The following ABHD2 variants were observed in gnomAD, a reference collection of about 807,000 sequenced individuals.
The protein encoded by ABHD2 is monoacylglycerol lipase ABHD2.
In ABHD2, 20 loss-of-function variants were observed where a neutral mutation model predicts 48.1. That is an observed-to-expected ratio of 0.42 (90% CI 0.29 to 0.60). The LOEUF (loss-of-function observed/expected upper bound fraction) is 0.60. Ranked by LOEUF, ABHD2 falls within the 20% of genes least tolerant of loss-of-function variation. The pLI is 0.24. For synonymous variants in ABHD2, 209 were observed against 214.2 expected (o/e 0.98, Z 0.21); for missense variants, 405 against 550.9 (o/e 0.74, Z 2.65).
Position 89,197,602 on chromosome 15 carries a change from G to A in ABHD2, c.*2179G>A, listed in dbSNP as rs2051427100. 1 of 152,240 alleles carries A rather than the reference G, an allele frequency of 6.6e-6. No homozygotes were observed. Among genetic ancestry groups the A allele is most frequent in the Non-Finnish European group, 1.5e-5 (1 of 68,068 alleles). The allele number at this position is 152,240 out of a possible 1,614,324, so 9.4% of individuals were successfully genotyped here. A position where few individuals can be genotyped will look rare whatever the true frequency, so the allele number is the denominator to read the frequency against. ...TGCCTGAGGCCACACCCCTTAACCTGTTCTGACAAAATAGTGGCTGGCCCA... is the reference window on the plus strand; with the variant it reads ...TGCCTGAGGCCACACCCCTTAACCTATTCTGACAAAATAGTGGCTGGCCCA... On this transcript the variant is annotated 3_prime_UTR_variant, in exon 11 of 11. Transcript: ENST00000352732. This position sits in a 1 kb window ranked among gnomAD's most constrained non-coding sequence, Gnocchi z 4.4.
intron 1 of ABHD2, among the ~76,000 whole-genome samples, chr15:89,112,889 C>T (rs1216928148): frequency 1.3e-5 from 2 of 152,204 alleles, no homozygotes; most frequent in East Asian, 3.8e-4. Flanking sequence ...CTTTCTATGT[C>T]TCAGTTACCT....
At chr15:89,049,147 C>T in the ABHD2 span, among the ~76,000 whole-genome samples, 1 of 152,112 alleles carries the variant, frequency 6.6e-6, no homozygotes, top group Non-Finnish European at 1.5e-5. Context: ...CCCGGCCGGC[C>T]GTGTGAGGTG....
chr15:89,188,359 C>A lies in ABHD2; in HGVS notation c.926+56C>A. 6.6e-7 allele frequency: 1 copy of A among 1,518,518 alleles called. No individual in the cohort carries two copies. The highest frequency in any genetic ancestry group is 9.1e-7 in the Non-Finnish European group (1 of 1,096,808). 94.1% of individuals were successfully genotyped at this position (1,518,518 alleles called of 1,614,324 possible). A position where few individuals can be genotyped will look rare whatever the true frequency, so the allele number is the denominator to read the frequency against. On this transcript the variant is annotated intron_variant, in intron 8 of 10. Coordinates refer to ENST00000352732, the MANE Select transcript of ABHD2 (RefSeq NM_152924.5). This position sits in a 1 kb window ranked among gnomAD's most constrained non-coding sequence, Gnocchi z 4.1. ...CTGGGGCAGGGTGCCAGGCAGGAGG[C>A]TGCAGGTCAGCTGTGCCCAGCACTA...
At chr15:89,062,319 G>A in the ABHD2 span, among the ~76,000 whole-genome samples, 1 of 152,002 alleles carries the variant, frequency 6.6e-6, no homozygotes, top group East Asian at 1.9e-4. Flanking sequence ...CTACAGGTAA[G>A]ACTGGAGGAA....
chr15:89,077,949 C>A, the ABHD2 span, among the ~76,000 whole-genome samples: 1 of 152,220 alleles, frequency 6.6e-6, no homozygotes, highest in African/African-American at 2.4e-5. Context: ...CTCTCCCCTG[C>A]TTACCAATGC....
At chr15:89,108,049 G>A (rs929292945) in intron 1 of ABHD2, among the ~76,000 whole-genome samples, 40 of 152,206 alleles carry the variant, frequency 2.6e-4, no homozygotes, top group African/African-American at 8.4e-4. Flanking sequence ...GTTCATGTCA[G>A]TTAGCTGTCA....
chr15:89,069,299 G>C, the ABHD2 span, among the ~76,000 whole-genome samples: 2 of 151,698 alleles, frequency 1.3e-5, no homozygotes, highest in Non-Finnish European at 2.9e-5. Flanking sequence ...GGCTAATTAA[G>C]TAAATTTTTT....
chr15:89,090,997 A>T (rs918407738), intron 1 of ABHD2, among the ~76,000 whole-genome samples: 1 of 152,228 alleles, frequency 6.6e-6, no homozygotes, highest in South Asian at 2.1e-4. Context: ...CTGGCAATCT[A>T]GCTGGTTCAC....
chr15:89,173,512 G>A lies in ABHD2; in HGVS notation c.539-2300G>A, dbSNP rs1156862029. 6.6e-6 allele frequency among the ~76,000 whole-genome samples: 1 copy of A among 152,260 alleles called. No homozygotes were observed. The highest frequency in any genetic ancestry group is 1.5e-5 in the Non-Finnish European group (1 of 68,048). ...CGCTTGAACCTGAGAGGCAGAGGTT[G>A]TAGTGAGCCAAGATTGTGCCACTGC... On this transcript the variant is annotated intron_variant, in intron 5 of 10. Coordinates refer to ENST00000352732, the MANE Select transcript of ABHD2 (RefSeq NM_152924.5). This position sits in a 1 kb window ranked among gnomAD's most constrained non-coding sequence, Gnocchi z 6.5.
rs183236520 is a variant in ABHD2 at position 89,118,405 on chromosome 15, C to T, written c.194+1884C>T. Among the ~76,000 whole-genome samples the T allele has an allele frequency of 4.3e-3, 658 of 152,240 alleles. 10 individuals are homozygous for T. Among genetic ancestry groups the T allele is most frequent in the African/African-American group, 0.015 (627 of 41,530 alleles). On this transcript the variant is annotated intron_variant, in intron 3 of 10. Transcript: ENST00000352732. ...TGTTGGCCAGGCTGGTCTTGAACTCCTGACCTCAGGTAATCTGCCAGCCTC... is the reference window on the plus strand; with the variant it reads ...TGTTGGCCAGGCTGGTCTTGAACTCTTGACCTCAGGTAATCTGCCAGCCTC...
the ABHD2 span, among the ~76,000 whole-genome samples, chr15:89,068,885 C>T: frequency 6.7e-6 from 1 of 148,594 alleles, no homozygotes; most frequent in Non-Finnish European, 1.5e-5. Flanking sequence ...TCTCCTGCCT[C>T]AGCCTCCTGA....
intron 4 of ABHD2, among the ~76,000 whole-genome samples, chr15:89,154,596 T>C (rs2050641751): frequency 1.3e-5 from 2 of 152,356 alleles, no homozygotes; most frequent in African/African-American, 4.8e-5. Flanking sequence ...TTTGTAAATA[T>C]AGATATCTTT....
At chr15:89,085,020 G>C (rs1901329950), upstream of ABHD2, among the ~76,000 whole-genome samples, 1 of 152,152 alleles carries the variant, frequency 6.6e-6, no homozygotes. The surrounding 1 kb of genome is among the most constrained non-coding windows in gnomAD (Gnocchi z 4.2). Flanking sequence ...ATGACAAACT[G>C]AGTGAATTGC....
rs563146518 is a variant in ABHD2 at position 89,151,128 on chromosome 15, A to G, written c.195-549A>G. Among the ~76,000 whole-genome samples the G allele has an allele frequency of 1.0e-3, 158 of 152,344 alleles. 2 individuals are homozygous for G. Among genetic ancestry groups the G allele is most frequent in the Admixed American group, 4.2e-3 (65 of 15,298 alleles). ...TTACAGCATATTCTCTGGAGCATAG[A>G]GTAGTGCCCTCACCCCACAAGGCAC... is the stretch of plus-strand genomic sequence containing the variant. On this transcript the variant is annotated intron_variant, in intron 3 of 10. Coordinates refer to ENST00000352732, the MANE Select transcript of ABHD2 (RefSeq NM_152924.5). The surrounding 1 kb of genome is among the most constrained non-coding windows in gnomAD (Gnocchi z 4.7).
chr15:89,196,513 G>A lies in ABHD2; in HGVS notation c.*1090G>A, dbSNP rs1468976468. Reference sequence around the variant, plus strand: ...GAGGTTTGAGAGAACATCCCTCCAGGGGAGCCTGGGAGCTGCTCTCCCAGT... The same window carrying A: ...GAGGTTTGAGAGAACATCCCTCCAGAGGAGCCTGGGAGCTGCTCTCCCAGT... On this transcript the variant is annotated 3_prime_UTR_variant, in exon 11 of 11. Coordinates refer to ENST00000352732, the MANE Select transcript of ABHD2 (RefSeq NM_152924.5). 3 of 152,066 alleles carry A rather than the reference G, an allele frequency of 2.0e-5. No individual in the cohort carries two copies. Among genetic ancestry groups the A allele is most frequent in the Non-Finnish European group, 4.4e-5 (3 of 68,000 alleles). The allele number at this position is 152,066 out of a possible 1,614,324, so 9.4% of individuals were successfully genotyped here.
chr15:89,058,012 G>A, the ABHD2 span, among the ~76,000 whole-genome samples: 3 of 152,152 alleles, frequency 2.0e-5, no homozygotes, highest in Non-Finnish European at 4.4e-5. Context: ...GGGGCGCCAG[G>A]CAAGAGAACG....
At chr15:89,145,331 C>T (rs1332074340) in intron 3 of ABHD2, among the ~76,000 whole-genome samples, 2 of 152,154 alleles carry the variant, frequency 1.3e-5, no homozygotes, top group Admixed American at 6.5e-5. Context: ...AAAATGGATG[C>T]ATGGAGAGAA....
chr15:89,073,981 G>T, the ABHD2 span, among the ~76,000 whole-genome samples: 14 of 152,336 alleles, frequency 9.2e-5, no homozygotes, highest in East Asian at 2.5e-3. Flanking sequence ...CTAGGAGAAA[G>T]AGAAAGGGCT....
In ABHD2 at chr15:89,198,826, A is replaced by AG. The variant is rs1304621798; in HGVS notation, c.*3408dup. The AG allele has an allele frequency of 1.3e-5, 2 of 152,190 alleles. No homozygotes were observed. The highest frequency in any genetic ancestry group is 2.9e-5 in the Non-Finnish European group (2 of 68,072). The allele number at this position is 152,190 out of a possible 1,614,324, so 9.4% of individuals were successfully genotyped here. A position where few individuals can be genotyped will look rare whatever the true frequency, so the allele number is the denominator to read the frequency against. On this transcript the variant is annotated 3_prime_UTR_variant, in exon 11 of 11. Coordinates refer to ENST00000352732, the MANE Select transcript of ABHD2 (RefSeq NM_152924.5). The surrounding 1 kb of genome is among the most constrained non-coding windows in gnomAD (Gnocchi z 5.1). ...GCTCACGCTGAGGGGACTTGGAGGG[A>AG]GGGGGCTTCTGCATTAAGCTTTCCT... is the stretch of plus-strand genomic sequence containing the variant.
Sources: gnomAD v4.1 joint callset for allele counts (sites outside exome capture counted in the v4.1 genomes callset) on GRCh38, gnomAD v4.1.1 for gene constraint, Gnocchi (gnomAD v3.1) non-coding constraint, MANE v1.5 for transcripts, NCBI Gene and HGNC (gene_info 2026-07-23, HGNC 2026-07-21) for gene names.